RYR3: variants seen among roughly 807,000 people sequenced by gnomAD.
RYR3 encodes ryanodine receptor 3.
In RYR3, 207 loss-of-function variants were observed where a neutral mutation model predicts 584.3. That is an observed-to-expected ratio of 0.35 (90% CI 0.32 to 0.40). The LOEUF is 0.40. Among genes scored for constraint, RYR3 ranks in the 10% least tolerant of loss-of-function variants. The pLI is 1.00. For synonymous variants in RYR3, 2,416 were observed against 2,248.5 expected (o/e 1.07, Z -2.11); for missense variants, 5,616 against 6,089.2 (o/e 0.92, Z 2.59).
At chr15:33,645,126 C>T (rs1221299281) in intron 28 of RYR3, among the ~76,000 whole-genome samples, 4 of 152,026 alleles carry the variant, frequency 2.6e-5, no homozygotes, top group Admixed American at 1.3e-4. Flanking sequence ...CTTGTAGGAC[C>T]TATTCAATTT....
In RYR3 at chr15:33,838,921, C is replaced by T. The variant is rs780812766; in HGVS notation, c.12941C>T (p.Thr4314Ile). 1.2e-6 allele frequency: 2 copies of T among 1,613,690 alleles called. No homozygotes were observed. The highest frequency in any genetic ancestry group is 2.2e-5 in the South Asian group (2 of 91,024). ...ATTATTGGCAAGGATGAACCCCCTA[C>T]ATTAGAGAGTACTGTACAGAAGAAG... is the stretch of plus-strand genomic sequence containing the variant. The part of the protein sequence containing the change: ...SEIIGKDEPP[T>I]LESTVQKKRK... The change falls in exon 89 of 104, where the codon ACA becomes ATA. Residue 4314 changes from threonine (T) to isoleucine (I), a missense_variant. Thr to Ile is a moderately conservative substitution (Grantham distance 89). This residue lies in a region of RYR3 where 918 missense variants were observed against 887.4 expected (regional missense o/e 1.03). Transcript: ENST00000634891.
intron 103 of RYR3, 102 bp from the exon 104 acceptor site, chr15:33,865,029 C>A: frequency 2.5e-6 from 2 of 787,486 alleles, no homozygotes; most frequent in Non-Finnish European, 4.2e-6. Context: ...CATATAAATT[C>A]ACATCAGTCT....
chr15:33,847,090 C>T (rs201213361), intron 93 of RYR3: 1 of 152,230 alleles, frequency 6.6e-6, no homozygotes, highest in African/African-American at 2.4e-5. Context: ...CTTGATATTA[C>T]TACTGTTCTC....
chr15:33,359,844 A>G (rs1191661067), intron 1 of RYR3, among the ~76,000 whole-genome samples: 1 of 151,492 alleles, frequency 6.6e-6, no homozygotes, highest in Non-Finnish European at 1.5e-5. Flanking sequence ...GATGGTCTCG[A>G]TCTCCTGACC....
chr15:33,463,622 G>T (rs376764999), intron 1 of RYR3, among the ~76,000 whole-genome samples: 1 of 152,162 alleles, frequency 6.6e-6, no homozygotes, highest in African/African-American at 2.4e-5. Context: ...GCCTGAGAGA[G>T]AATTAATTGC....
chr15:33,521,896 G>A (rs1052718990), intron 3 of RYR3, among the ~76,000 whole-genome samples: 1 of 152,080 alleles, frequency 6.6e-6, no homozygotes, highest in Non-Finnish European at 1.5e-5. Flanking sequence ...CATGATCACT[G>A]AATTTGGGGG....
chr15:33,807,473 C>T (rs2076269960), intron 69 of RYR3, 82 bp from the exon 70 acceptor site: 2 of 1,337,658 alleles, frequency 1.5e-6, no homozygotes, highest in South Asian at 1.3e-5. Context: ...CTATAACTAA[C>T]ATATGGTGCC....
At chr15:33,839,801 G>C (rs1042155249) in intron 89 of RYR3, 1 of 152,302 alleles carries the variant, frequency 6.6e-6, no homozygotes, top group Middle Eastern at 3.4e-3. Flanking sequence ...ATAGTTCTCT[G>C]TAGGAGAGAA....
intron 38 of RYR3, among the ~76,000 whole-genome samples, chr15:33,679,179 C>T (rs980945600): frequency 3.8e-5 from 5 of 132,068 alleles, no homozygotes; most frequent in Non-Finnish European, 1.6e-5. Flanking sequence ...GTAAATCTTC[C>T]CTACTAAATC....
intron 43 of RYR3, 173 bp from the exon 44 acceptor site, chr15:33,722,542 G>A (rs1596312104): frequency 6.3e-6 from 4 of 639,484 alleles, no homozygotes; most frequent in South Asian, 6.0e-5. Context: ...ACCACAATCA[G>A]TTACAGATGT....
At chr15:33,371,772 T>G (rs113909762) in intron 1 of RYR3, among the ~76,000 whole-genome samples, 2,223 of 152,314 alleles carry the variant, frequency 0.015, 24 homozygotes, top group Non-Finnish European at 0.024. Context: ...CAACTCCTGA[T>G]GTCTTGCTGG....
chr15:33,520,841 C>T (rs985835103), intron 3 of RYR3, among the ~76,000 whole-genome samples: 1 of 152,126 alleles, frequency 6.6e-6, no homozygotes, highest in Non-Finnish European at 1.5e-5. Context: ...CCACCTTTTC[C>T]CCCTCAATGG....
intron 1 of RYR3, among the ~76,000 whole-genome samples, chr15:33,432,469 A>G (rs1295958593): frequency 1.3e-5 from 2 of 152,022 alleles, no homozygotes; most frequent in Admixed American, 6.6e-5. Flanking sequence ...TGAGTTTTGC[A>G]GCACTGTTGC....
intron 45 of RYR3, among the ~76,000 whole-genome samples, chr15:33,725,190 CACACACACACACAT>C (rs1477839796): frequency 7.7e-4 from 114 of 147,732 alleles, no homozygotes; most frequent in Middle Eastern, 3.4e-3. Context: ...CACACACACA[CACACACACACACAT>C]ATATACATCC....
At chr15:33,660,084 C>T in intron 33 of RYR3, 113 bp from the exon 34 acceptor site, 1 of 714,630 alleles carries the variant, frequency 1.4e-6, no homozygotes, top group African/African-American at 1.8e-5. Context: ...CTTAGAGATC[C>T]CTGGATACAT....
rs756530492 is a variant in RYR3, at chr15:33,586,101, C to T, written c.1773C>T (p.His591=). 1.7e-4 allele frequency: 265 copies of T among 1,605,662 alleles called. No homozygotes were observed. The South Asian group carries it at 2.4e-3, about 14-fold the overall frequency. Residue 591 remains histidine (H), a synonymous_variant, in exon 16 of 104, where the codon CAC becomes CAT. Transcript: ENST00000634891. The stretch of plus-strand genomic sequence containing the variant: ...CGATCATCTCCCTGTTGGATAAGCA[C>T]GGGCGGAATCACAAGGTAGGTGTGG... ...IKSIISLLDK[H]GRNHKVLDIL...
At position 33,838,538 on chromosome 15, in the gene RYR3, C is replaced by G. The variant is rs73372074; in HGVS notation, c.12558C>G (p.Ser4186=). The part of the protein sequence containing the change: ...TAKELVKVLF[S]FFWMLFVGLF... ...AGGAGCTGGTGAAGGTGCTCTTCTC[C>G]TTTTTCTGGATGCTGTTCGTGGGGC... Residue 4186 remains serine, a synonymous_variant, in exon 89 of 104, where the codon TCC becomes TCG. Coordinates refer to ENST00000634891, the MANE Select transcript of RYR3 (RefSeq NM_001036.6). 23,316 of 1,613,862 alleles carry G rather than the reference C, an allele frequency of 0.014. 1,149 individuals are homozygous for G. The African/African-American group carries it at 0.15, about 10-fold the overall frequency.
chr15:33,415,308 A>G (rs1458889972), intron 1 of RYR3, among the ~76,000 whole-genome samples: 2 of 152,198 alleles, frequency 1.3e-5, no homozygotes, highest in African/African-American at 4.8e-5. Context: ...GTGTATTTCT[A>G]TAGGACAGCA....
chr15:33,793,753 G>C (rs937816781), intron 67 of RYR3, among the ~76,000 whole-genome samples: 4 of 151,736 alleles, frequency 2.6e-5, no homozygotes, highest in Non-Finnish European at 5.9e-5. Flanking sequence ...GTAACTTTTT[G>C]AGTGGTAACC....
Sources: gnomAD v4.1 joint callset for allele counts (sites outside exome capture counted in the v4.1 genomes callset) on GRCh38, gnomAD v4.1.1 for gene constraint, gnomAD v4.1.1 regional missense constraint, MANE v1.5 for transcripts, NCBI Gene and HGNC (gene_info 2026-07-23, HGNC 2026-07-21) for gene names.